PSD3: variants seen among roughly 807,000 people sequenced by gnomAD.
The protein encoded by PSD3 is PH and SEC7 domain-containing protein 3.
Under a neutral mutation model 105.5 loss-of-function variants are expected in PSD3, and 49 were observed. That is an observed-to-expected ratio of 0.46 (90% CI 0.37 to 0.59). The LOEUF (loss-of-function observed/expected upper bound fraction) is 0.59, where lower values mean the gene tolerates loss of function less well. Ranked by LOEUF, PSD3 falls within the 20% of genes least tolerant of loss-of-function variation. The pLI is 0.00. For missense variants in PSD3, 1,561 were observed against 1,263.8 expected (o/e 1.24, Z -3.57); for synonymous variants, 557 against 457.8 (o/e 1.22, Z -2.77).
Position 18,655,663 on chromosome 8 carries a change from T to C in PSD3, c.2195A>G (p.Asn732Ser). 1 of 1,613,906 alleles carries C rather than the reference T, an allele frequency of 6.2e-7. No individual in the cohort carries two copies. Among genetic ancestry groups the C allele is most frequent in the Non-Finnish European group, 8.5e-7 (1 of 1,179,824 alleles). Residue 732 changes from asparagine (N) to serine (S), a missense_variant, in exon 10 of 16, where the codon AAT becomes AGT. Transcript: ENST00000327040. ...TTACACTGCCCATTCAAGCTTCTCA[T>C]TCTTGATTGAGTTGTACAGAGCCTG... ...LLKALYNSIKNEKLEWAVDDE... is the reference protein window; with the variant it reads ...LLKALYNSIKSEKLEWAVDDE...
intron 1 of PSD3, among the ~76,000 whole-genome samples, chr8:18,967,853 A>G (rs1824380482): frequency 6.6e-6 from 1 of 152,224 alleles, no homozygotes. Flanking sequence ...GCTTCTCCCA[A>G]CACAGACTTT....
chr8:18,879,243 T>C (rs1817953510), intron 2 of PSD3, among the ~76,000 whole-genome samples: 1 of 152,086 alleles, frequency 6.6e-6, no homozygotes, highest in Admixed American at 6.6e-5. Context: ...GGCAAGTGCT[T>C]GTGATGTCTG....
chr8:18,685,175 T>C (rs1800598372), intron 9 of PSD3, among the ~76,000 whole-genome samples: 1 of 152,260 alleles, frequency 6.6e-6, no homozygotes, highest in African/African-American at 2.4e-5. Flanking sequence ...GTATACACTT[T>C]TTTTTACAAT....
In PSD3 at chr8:18,760,827, C is replaced by T. The variant is rs75194573; in HGVS notation, c.2172+4622G>A. ...AGTCAAGAGTCCATAAAAATTGCCC[C>T]GAGACAAAGCAGAATCCCAACAATT... On this transcript the variant is annotated intron_variant, in intron 9 of 15. Coordinates refer to ENST00000327040, the MANE Select transcript of PSD3 (RefSeq NM_015310.4). Among the ~76,000 whole-genome samples the T allele has an allele frequency of 2.2e-3, 331 of 152,204 alleles. 14 individuals are homozygous for T. In the East Asian group the frequency reaches 0.057, roughly 26 times the overall value.
At chr8:18,714,783 T>C (rs1188123412) in intron 9 of PSD3, among the ~76,000 whole-genome samples, 1 of 152,218 alleles carries the variant, frequency 6.6e-6, no homozygotes, top group East Asian at 1.9e-4. Context: ...TTACTGGGTA[T>C]ATACCCAAAG....
At chr8:18,812,240 C>G (rs148496005) in intron 4 of PSD3, among the ~76,000 whole-genome samples, 1 of 152,242 alleles carries the variant, frequency 6.6e-6, no homozygotes, top group African/African-American at 2.4e-5. Flanking sequence ...AGCTGTGTTT[C>G]CCTTGACAAT....
chr8:18,765,516 C>T lies in PSD3; in HGVS notation c.2105G>A (p.Cys702Tyr). ...TTGCAGATTTGCAATGAACTCCTGA[C>T]AGGTCATCTTCTTTCCAATATTCTG... is the stretch of plus-strand genomic sequence containing the variant. The part of the protein sequence containing the change: ...HGHNIGKKMT[C>Y]QEFIANLQGV... The change falls in exon 9 of 16, where the codon TGT (cysteine) becomes TAT (tyrosine). Residue 702 changes from cysteine to tyrosine, a missense_variant. Coordinates refer to ENST00000327040, the MANE Select transcript of PSD3 (RefSeq NM_015310.4). The T allele has an allele frequency of 3.1e-6, 5 of 1,611,238 alleles. No homozygotes were observed. Among genetic ancestry groups the T allele is most frequent in the East Asian group, 2.2e-5 (1 of 44,870 alleles).
intron 9 of PSD3, among the ~76,000 whole-genome samples, chr8:18,667,806 C>A (rs1038376685): frequency 5.9e-5 from 9 of 152,312 alleles, no homozygotes; most frequent in African/African-American, 2.2e-4. Context: ...TGGCGGGCTG[C>A]AGAGCCTCCG....
At chr8:18,930,382 C>T (rs977239636) in intron 2 of PSD3, among the ~76,000 whole-genome samples, 1 of 152,142 alleles carries the variant, frequency 6.6e-6, no homozygotes, top group Non-Finnish European at 1.5e-5. Flanking sequence ...GTTATTCATT[C>T]CTCATTCAGT....
chr8:18,752,515 ATG>A (rs1805603569), intron 9 of PSD3, among the ~76,000 whole-genome samples: 2 of 85,016 alleles, frequency 2.4e-5, no homozygotes, highest in African/African-American at 1.4e-4. Context: ...TATATAATAT[ATG>A]TAATATATAT....
chr8:18,576,674 C>G (rs577976208), intron 12 of PSD3, among the ~76,000 whole-genome samples: 74 of 152,188 alleles, frequency 4.9e-4, no homozygotes, highest in African/African-American at 1.5e-3. Flanking sequence ...TATAATTACG[C>G]TATAACAGAA....
chr8:18,772,540 C>A (rs965998529), intron 8 of PSD3, among the ~76,000 whole-genome samples: 1 of 152,024 alleles, frequency 6.6e-6, no homozygotes, highest in Non-Finnish European at 1.5e-5. Flanking sequence ...TGGAGTTTTG[C>A]TCTCGTGGCC....
intron 9 of PSD3, chr8:18,734,506 T>C (rs1804002526): frequency 6.6e-6 from 1 of 152,220 alleles, no homozygotes. Context: ...CCTGGCAAGA[T>C]GATCTTGGGT....
chr8:18,848,769 C>T (rs1815327151), intron 4 of PSD3, among the ~76,000 whole-genome samples: 1 of 152,182 alleles, frequency 6.6e-6, no homozygotes, highest in African/African-American at 2.4e-5. Context: ...GACCAGTAAA[C>T]TCACCCTAGG....
chr8:18,590,296 C>A (rs1803503044), intron 12 of PSD3, among the ~76,000 whole-genome samples: 1 of 152,016 alleles, frequency 6.6e-6, no homozygotes, highest in Non-Finnish European at 1.5e-5. Flanking sequence ...CATGAGGGGT[C>A]GCCATCTGAT....
At chr8:18,983,472 G>A (rs192866769) in intron 1 of PSD3, among the ~76,000 whole-genome samples, 2 of 152,270 alleles carry the variant, frequency 1.3e-5, no homozygotes, top group Non-Finnish European at 2.9e-5. Flanking sequence ...TTCTCACTAA[G>A]CTTAATCATT....
intron 9 of PSD3, among the ~76,000 whole-genome samples, chr8:18,661,522 C>T (rs1121922): frequency 0.25 from 38,459 of 152,120 alleles, 7,156 homozygotes; most frequent in East Asian, 0.67. Flanking sequence ...TCTTCAACTT[C>T]TACTATCGTC....
chr8:18,702,531 A>G (rs1801644412), intron 9 of PSD3, among the ~76,000 whole-genome samples: 1 of 152,146 alleles, frequency 6.6e-6, no homozygotes, highest in African/African-American at 2.4e-5. Context: ...GGTAACTGGG[A>G]TATTCATCGC....
intron 2 of PSD3, among the ~76,000 whole-genome samples, chr8:18,934,052 T>G (rs981879426): frequency 1.3e-5 from 2 of 152,216 alleles, no homozygotes; most frequent in African/African-American, 4.8e-5. Flanking sequence ...TATTAAGATA[T>G]CTAATAAATA....
Sources: allele counts gnomAD v4.1 joint callset (sites outside exome capture counted in the v4.1 genomes callset), GRCh38; gene constraint gnomAD v4.1.1; transcripts MANE v1.5; gene names NCBI Gene and HGNC (gene_info 2026-07-23, HGNC 2026-07-21).